Variants in BLTP3B observed in about 807,000 individuals in gnomAD.
BLTP3B encodes the protein bridge-like lipid transfer protein family member 3B, also known as UHRF1 (ICBP90) binding protein 1-like.
At chr12:100,067,361 T>G in the BLTP3B span, among the ~76,000 whole-genome samples, 4 of 151,676 alleles carry the variant, frequency 2.6e-5, no homozygotes, top group African/African-American at 9.7e-5. Flanking sequence ...TAAATGAAAC[T>G]GAAACAAACA....
chr12:100,057,998 A>G, the BLTP3B span: 1 of 1,531,798 alleles, frequency 6.5e-7, no homozygotes, highest in Non-Finnish European at 8.7e-7. Flanking sequence ...AAATAAATTA[A>G]TTTTTAAAAA....
the BLTP3B span, among the ~76,000 whole-genome samples, chr12:100,097,836 G>C: frequency 6.6e-6 from 1 of 152,160 alleles, no homozygotes; most frequent in Non-Finnish European, 1.5e-5. Flanking sequence ...CTGAGTAGCT[G>C]AGAAGTTAAA....
At chr12:100,108,333 G>C in the BLTP3B span, 2 of 1,553,560 alleles carry the variant, frequency 1.3e-6, no homozygotes, top group Non-Finnish European at 1.7e-6. Flanking sequence ...AATATAGAAG[G>C]AAAACATGAA....
chr12:100,061,675 A>G, the BLTP3B span, among the ~76,000 whole-genome samples: 1 of 151,074 alleles, frequency 6.6e-6, no homozygotes, highest in Non-Finnish European at 1.5e-5. Flanking sequence ...AAAAAAAAAA[A>G]AGAAAGATCT....
At chr12:100,059,729 G>T in the BLTP3B span, 1 of 1,180,896 alleles carries the variant, frequency 8.5e-7, no homozygotes, top group Non-Finnish European at 1.2e-6. Flanking sequence ...TGACCACTAA[G>T]AAGAGAATCT....
chr12:100,057,908 T>C, the BLTP3B span: 18 of 1,322,932 alleles, frequency 1.4e-5, no homozygotes, highest in East Asian at 2.5e-5. Context: ...TCTACTCTTC[T>C]ACATGTTAAC....
At chr12:100,039,469 C>T in the BLTP3B span, 7 of 987,158 alleles carry the variant, frequency 7.1e-6, no homozygotes, top group South Asian at 1.1e-4. Flanking sequence ...CCTAGCAAAG[C>T]ACCTGGGCAC....
chr12:100,037,772 C>A, the BLTP3B span: 7 of 1,570,602 alleles, frequency 4.5e-6, no homozygotes, highest in Non-Finnish European at 6.0e-6. Flanking sequence ...TGATAAATGG[C>A]GGGGGGATAA....
chr12:100,101,328 A>T, the BLTP3B span, among the ~76,000 whole-genome samples: 1 of 152,214 alleles, frequency 6.6e-6, no homozygotes, highest in South Asian at 2.1e-4. Context: ...TTCTCATGGC[A>T]TGCACTAACA....
At chr12:100,069,608 CA>C in the BLTP3B span, among the ~76,000 whole-genome samples, 1 of 151,436 alleles carries the variant, frequency 6.6e-6, no homozygotes, top group Non-Finnish European at 1.5e-5. Context: ...AACTCAGAAA[CA>C]GAAAACTAAA....
the BLTP3B span, chr12:100,059,085 G>A: frequency 6.2e-7 from 1 of 1,613,864 alleles, no homozygotes; most frequent in African/African-American, 1.3e-5. Context: ...ATATCTTGTT[G>A]GTTGACAAAT....
the BLTP3B span, among the ~76,000 whole-genome samples, chr12:100,110,478 T>G: frequency 1.3e-5 from 2 of 152,228 alleles, no homozygotes; most frequent in South Asian, 4.1e-4. Flanking sequence ...GGCAGAATAT[T>G]AGAGCCAGAA....
the BLTP3B span, among the ~76,000 whole-genome samples, chr12:100,045,303 G>A: frequency 4.6e-3 from 694 of 152,252 alleles, 12 homozygotes; most frequent in African/African-American, 0.016. Context: ...ACAATCCTAA[G>A]CCAAAAGAAC....
At chr12:100,138,148 A>T in the BLTP3B span, among the ~76,000 whole-genome samples, 14 of 152,330 alleles carry the variant, frequency 9.2e-5, no homozygotes, top group Middle Eastern at 3.4e-3. Context: ...AGAACTATCT[A>T]TTTCAAAATG....
the BLTP3B span, among the ~76,000 whole-genome samples, chr12:100,096,007 T>C: frequency 6.6e-6 from 1 of 152,216 alleles, no homozygotes; most frequent in African/African-American, 2.4e-5. Context: ...ATCCCAGCAC[T>C]CTGGGAGGCC....
At chr12:100,059,623 T>A in the BLTP3B span, 2 of 1,365,638 alleles carry the variant, frequency 1.5e-6, no homozygotes, top group Non-Finnish European at 1.9e-6. Flanking sequence ...AAATTCTTTT[T>A]CTTGACCTTT....
chr12:100,124,786 G>A, the BLTP3B span, among the ~76,000 whole-genome samples: 1 of 150,674 alleles, frequency 6.6e-6, no homozygotes, highest in Non-Finnish European at 1.5e-5. Context: ...GCTGGGCATG[G>A]TGGCACACAC....
chr12:100,089,347 T>C, the BLTP3B span, among the ~76,000 whole-genome samples: 1 of 152,112 alleles, frequency 6.6e-6, no homozygotes, highest in African/African-American at 2.4e-5. Flanking sequence ...TCATCTGAGG[T>C]CAGGAGTTCA....
At chr12:100,138,435 C>A in the BLTP3B span, among the ~76,000 whole-genome samples, 1 of 152,228 alleles carries the variant, frequency 6.6e-6, no homozygotes, top group African/African-American at 2.4e-5. Context: ...GAACTACTGA[C>A]ATTTGGGCAA....
Sources: allele counts gnomAD v4.1 joint callset (sites outside exome capture counted in the v4.1 genomes callset), GRCh38; gene constraint gnomAD v4.1.1; transcripts MANE v1.5; gene names NCBI Gene and HGNC (gene_info 2026-07-23, HGNC 2026-07-21).